SH3D21: variants seen among roughly 807,000 people sequenced by gnomAD.
The protein encoded by SH3D21 is manchette microtubule inner protein 1.
A neutral mutation model predicts 82.1 loss-of-function variants in SH3D21; 83 were observed. That is an observed-to-expected ratio of 1.01 (90% CI 0.85 to 1.21). The LOEUF (loss-of-function observed/expected upper bound fraction) is 1.21, where lower values mean the gene tolerates loss of function less well. Among genes scored for constraint, SH3D21 ranks in the 50% most tolerant of loss-of-function variants. The probability of loss-of-function intolerance (pLI) is 0.00; values close to 1 mark genes in which losing one functional copy is unlikely to be tolerated. For synonymous variants in SH3D21, 383 were observed against 387.8 expected (o/e 0.99, Z 0.15); for missense variants, 980 against 962.1 (o/e 1.02, Z -0.25).
At chr1:36,308,366 C>G (rs911545087) in intron 8 of SH3D21, 23 bp from the exon 9 acceptor site, 17 of 1,550,238 alleles carry the variant, frequency 1.1e-5, no homozygotes, top group Non-Finnish European at 1.5e-5. Context: ...GCTCACCTCC[C>G]CACTGGCGTG....
At chr1:36,321,856 T>C, downstream of SH3D21, 1 of 1,024,088 alleles carries the variant, frequency 9.8e-7, no homozygotes, top group Non-Finnish European at 1.2e-6. This position sits in a 1 kb window ranked among gnomAD's most constrained non-coding sequence, Gnocchi z 6.1. Context: ...TGTGGGCTTC[T>C]GCTTTTCTGC....
In SH3D21 at chr1:36,306,900, G is replaced by A. The variant is rs1193264442; in HGVS notation, c.221G>A (p.Arg74His). The change falls in exon 3 of 16, where the codon CGC (arginine) becomes CAC (histidine). Residue 74 changes from arginine to histidine, a missense_variant. By Grantham distance (29) the Arg-to-His change is conservative. Coordinates refer to ENST00000453908, the MANE Select transcript of SH3D21 (RefSeq NM_001162530.2). The surrounding 1 kb of genome is among the most constrained non-coding windows in gnomAD (Gnocchi z 4.5). ...GCGCGGAGGCCGCGCTGTGCGCGCC[G>A]CCGAGGTGAGCGCAAGGGCGGGGAC... ...GEARRPRCARRRGHPAKHPRP... is the reference protein window; with the variant it reads ...GEARRPRCARHRGHPAKHPRP... The A allele has an allele frequency of 2.3e-6, 3 of 1,317,498 alleles. No homozygotes were observed. The highest frequency in any genetic ancestry group is 2.0e-6 in the Non-Finnish European group (2 of 1,008,200). The allele number at this position is 1,317,498 out of a possible 1,614,324, so 81.6% of individuals were successfully genotyped here.
chr1:36,320,455 A>G lies in SH3D21; in HGVS notation c.1792A>G (p.Arg598Gly), dbSNP rs1210556314. Residue 598 changes from arginine (R) to glycine (G), a missense_variant, in exon 14 of 16, where the codon AGG becomes GGG. Transcript: ENST00000453908. ...AGAGGAGGCACCTTCCAATGACGAG[A>G]GGACCCCTGAAGAGGAGGCGCCCCC... is the stretch of plus-strand genomic sequence containing the variant. ...LPEEAPSNDE[R>G]TPEEEAPPNE... 1.9e-6 allele frequency: 3 copies of G among 1,613,280 alleles called. No homozygotes were observed. The highest frequency in any genetic ancestry group is 2.5e-6 in the Non-Finnish European group (3 of 1,179,754).
rs1570369757 is a variant in SH3D21, at chr1:36,307,207, A to C, written c.267A>C (p.Lys89Asn). The change falls in exon 4 of 16, where the codon AAA becomes AAC. Residue 89 changes from lysine to asparagine, a missense_variant. Physicochemically the swap from Lys to Asn is moderately conservative, Grantham distance 94. Transcript: ENST00000453908. This position sits in a 1 kb window ranked among gnomAD's most constrained non-coding sequence, Gnocchi z 5.4. ...ACCCGAGGCCCCAAAGATGGTGCAA[A>C]GTGAACTTCAGCTACAGCCCAGAGC... ...AKHPRPQRWC[K>N]VNFSYSPEQA... 6.4e-6 allele frequency: 10 copies of C among 1,551,786 alleles called. No homozygotes were observed. The East Asian group carries it at 1.7e-4, about 27-fold the overall frequency.
chr1:36,319,794 C>T lies in SH3D21; in HGVS notation c.1131C>T (p.Ile377=). The change falls in exon 14 of 16, where the codon ATC becomes ATT. Residue 377 remains isoleucine, a synonymous_variant. Coordinates refer to ENST00000453908, the MANE Select transcript of SH3D21 (RefSeq NM_001162530.2). ...APENAPSSKK[I]PAPDKVPSPE... ...AGAACGCCCCCAGCTCCAAGAAGAT[C>T]CCGGCTCCTGACAAAGTCCCCTCCC... 1 of 1,613,820 alleles carries T rather than the reference C, an allele frequency of 6.2e-7. No homozygotes were observed. Among genetic ancestry groups the T allele is most frequent in the South Asian group, 1.1e-5 (1 of 91,060 alleles).
downstream of SH3D21, among the ~76,000 whole-genome samples, chr1:36,329,474 T>C (rs539124243): frequency 1.3e-5 from 2 of 152,288 alleles, no homozygotes; most frequent in Non-Finnish European, 2.9e-5. Flanking sequence ...AACAAGCCTT[T>C]CACTTATGTT....
chr1:36,321,943 A>G (rs1057483200), downstream of SH3D21: 8 of 1,118,682 alleles, frequency 7.2e-6, no homozygotes, highest in African/African-American at 1.6e-5. This position sits in a 1 kb window ranked among gnomAD's most constrained non-coding sequence, Gnocchi z 6.1. Context: ...AGGGTAAGGG[A>G]GTCAAGCTGG....
At chr1:36,321,815 C>T (rs1206397047), downstream of SH3D21, 2 of 1,010,374 alleles carry the variant, frequency 2.0e-6, no homozygotes, top group African/African-American at 3.5e-5. The surrounding 1 kb of genome is among the most constrained non-coding windows in gnomAD (Gnocchi z 6.1). Flanking sequence ...TGCGCGCGCG[C>T]TTGCTCTGTG....
downstream of SH3D21, among the ~76,000 whole-genome samples, chr1:36,329,814 G>A (rs1471702261): frequency 6.6e-6 from 1 of 152,178 alleles, no homozygotes; most frequent in Non-Finnish European, 1.5e-5. Context: ...GGGAGTCATG[G>A]AAATACCTGG....
chr1:36,324,649 T>A (rs372083746), downstream of SH3D21: 2 of 152,254 alleles, frequency 1.3e-5, no homozygotes, highest in East Asian at 3.9e-4. Context: ...ACTCCCCCAG[T>A]CCCGAGACTG....
At chr1:36,317,514 C>A (rs1646364729) in intron 10 of SH3D21, among the ~76,000 whole-genome samples, 1 of 152,180 alleles carries the variant, frequency 6.6e-6, no homozygotes, top group Non-Finnish European at 1.5e-5. Flanking sequence ...TTAGTGTGCC[C>A]TTCTCTGGCC....
At chr1:36,323,658 GGGGCGGGGC>G (rs1400942222), downstream of SH3D21, 1 of 152,104 alleles carries the variant, frequency 6.6e-6, no homozygotes, top group African/African-American at 2.4e-5. Flanking sequence ...GGGACGGGGC[GGGGCGGGGC>G]GGGCGGGGAG....
chr1:36,310,234 G>T (rs181917224), intron 10 of SH3D21, among the ~76,000 whole-genome samples: 14 of 152,176 alleles, frequency 9.2e-5, no homozygotes, highest in Non-Finnish European at 4.4e-5. Flanking sequence ...GACTACAAGC[G>T]TGAGCCACTG....
chr1:36,314,270 C>T (rs371923186), intron 10 of SH3D21, among the ~76,000 whole-genome samples: 4 of 151,504 alleles, frequency 2.6e-5, no homozygotes, highest in East Asian at 1.9e-4. Flanking sequence ...CCACCGCGCC[C>T]GGCCCGATGC....
intron 10 of SH3D21, among the ~76,000 whole-genome samples, chr1:36,315,563 G>A (rs1646328377): frequency 6.6e-6 from 1 of 152,058 alleles, no homozygotes; most frequent in South Asian, 2.1e-4. Context: ...TGGCCAGGCT[G>A]GTCTCGAACT....
chr1:36,306,814 A>C lies in SH3D21; in HGVS notation c.163-28A>C. 1 of 1,293,796 alleles carries C rather than the reference A, an allele frequency of 7.7e-7. No homozygotes were observed. The highest frequency in any genetic ancestry group is 1.0e-6 in the Non-Finnish European group (1 of 988,394). 80.1% of individuals were successfully genotyped at this position (1,293,796 alleles called of 1,614,324 possible). A position where few individuals can be genotyped will look rare whatever the true frequency, so the allele number is the denominator to read the frequency against. Reference sequence around the variant, plus strand: ...CAGCGCGCGCCCCCCGGGAGCTGAGAGCGCCTTCCCCGTGCCCTGATTCCC... The same window carrying C: ...CAGCGCGCGCCCCCCGGGAGCTGAGCGCGCCTTCCCCGTGCCCTGATTCCC... On this transcript the variant is annotated intron_variant, in intron 2 of 15. Transcript: ENST00000453908. The surrounding 1 kb of genome is among the most constrained non-coding windows in gnomAD (Gnocchi z 4.5).
downstream of SH3D21, chr1:36,322,483 G>T (rs1349375530): frequency 6.9e-6 from 11 of 1,604,118 alleles, no homozygotes; most frequent in Non-Finnish European, 9.3e-6. Flanking sequence ...GGCCCGTCCG[G>T]CTCTGCGGAC....
chr1:36,328,557 G>A (rs950611472), downstream of SH3D21: 3 of 201,322 alleles, frequency 1.5e-5, no homozygotes, highest in African/African-American at 6.9e-5. Flanking sequence ...GATCACTGAA[G>A]TCCAGGAGTT....
downstream of SH3D21, among the ~76,000 whole-genome samples, chr1:36,325,495 A>G (rs2124710306): frequency 6.6e-6 from 1 of 152,084 alleles, no homozygotes; most frequent in South Asian, 2.1e-4. Flanking sequence ...TATGGGAGGG[A>G]GGTCATGGAG....
Sources: allele counts gnomAD v4.1 joint callset (sites outside exome capture counted in the v4.1 genomes callset), GRCh38; gene constraint gnomAD v4.1.1; non-coding constraint Gnocchi (gnomAD v3.1); transcripts MANE v1.5; gene names NCBI Gene and HGNC (gene_info 2026-07-23, HGNC 2026-07-21).